DMD: variants seen among roughly 807,000 people sequenced by gnomAD.
DMD encodes the protein dystrophin, also known as mutant dystrophin.
A neutral mutation model predicts 330.1 loss-of-function variants in DMD; 63 were observed. The ratio of observed to expected loss-of-function variants is 0.19; its 90% CI spans 0.16 to 0.24. The LOEUF is 0.24. Ranked by LOEUF, DMD falls within the 10% of genes least tolerant of loss-of-function variation. The pLI, the probability that DMD is intolerant of heterozygous loss-of-function variation, is 1.00. For synonymous variants in DMD, 1,223 were observed against 959.8 expected (o/e 1.27, Z -5.07); for missense variants, 3,344 against 2,684.1 (o/e 1.25, Z -5.43).
chrX:32,308,033 G>T (rs1249106695), intron 42 of DMD, among the ~76,000 whole-genome samples: 2 of 109,640 alleles, frequency 1.8e-5, no homozygotes, highest in Middle Eastern at 4.9e-3. Context: ...CTCTAGCTCT[G>T]CCTTAGCTAG....
At chrX:32,662,515 A>G (rs907891778) in intron 9 of DMD, among the ~76,000 whole-genome samples, 3 of 111,936 alleles carry the variant, frequency 2.7e-5, no homozygotes, top group African/African-American at 9.7e-5. Context: ...TACATGCATG[A>G]CATTTGTTTG....
In DMD at chrX:32,748,485, G is replaced by A. The variant is rs2070376487; in HGVS notation, c.650-49192C>T. On this transcript the variant is annotated intron_variant, in intron 7 of 78. Transcript: ENST00000357033. ...TCATTAAGTACCATAGCCAGCTGGG[G>A]TATGAGTCCAGTTTGAAAGTTTGTG... is the stretch of plus-strand genomic sequence containing the variant. 2.7e-5 allele frequency among the ~76,000 whole-genome samples: 3 copies of A among 111,742 alleles called. No homozygotes were observed. The Admixed American group carries it at 2.9e-4, about 11-fold the overall frequency.
At position 32,463,594 on chromosome X, in the gene DMD, G is replaced by A. The variant is rs775903979; in HGVS notation, c.3277C>T (p.Leu1093Phe). The stretch of plus-strand genomic sequence containing the variant: ...ATTGTCTGAATATCACTGACTAAAA[G>A]CTAAGAAAATAAATCAATTTAAGCC... ...ILKKQLKQCRLLVSDIQTIQP... is the reference protein window; with the variant it reads ...ILKKQLKQCRFLVSDIQTIQP... Residue 1093 changes from leucine (L) to phenylalanine (F), a missense_variant and splice_region_variant, in exon 25 of 79, where the codon CTT becomes TTT. Leu to Phe is a conservative substitution (Grantham distance 22, BLOSUM62 0). Coordinates refer to ENST00000357033, the MANE Select transcript of DMD (RefSeq NM_004006.3). The A allele has an allele frequency of 6.2e-6, 7 of 1,134,563 alleles. No homozygotes were observed. The highest frequency in any genetic ancestry group is 2.3e-5 in the South Asian group (1 of 43,908). The allele number at this position is 1,134,563 out of a possible 1,213,427, so 93.5% of individuals were successfully genotyped here.
chrX:33,224,871 G>A (rs1029981712), intron 1 of DMD, among the ~76,000 whole-genome samples: 3 of 111,075 alleles, frequency 2.7e-5, no homozygotes, highest in African/African-American at 9.8e-5. Context: ...GAACCTAAAG[G>A]TTCTCCAAAA....
At chrX:33,276,307 A>C (rs1397800711) in intron 1 of DMD, among the ~76,000 whole-genome samples, 1 of 109,070 alleles carries the variant, frequency 9.2e-6, no homozygotes, top group Non-Finnish European at 1.9e-5. Context: ...AGGCTGGAGT[A>C]TTTTTTTTTA....
At chrX:32,512,057 T>C (rs986247397) in intron 18 of DMD, among the ~76,000 whole-genome samples, 1 of 111,693 alleles carries the variant, frequency 9.0e-6, no homozygotes, top group African/African-American at 3.3e-5. Flanking sequence ...CTAAAATGGG[T>C]AACCTAAATG....
In DMD at chrX:31,417,255, A is replaced by G. The variant is rs186623510; in HGVS notation, c.9084+27226T>C. On this transcript the variant is annotated intron_variant, in intron 60 of 78. Coordinates refer to ENST00000357033, the MANE Select transcript of DMD (RefSeq NM_004006.3). ...TTCTTGAGTTAATGCCTGAGAAATC[A>G]CCAAGCCTATAATTTCTTTTTTCTT... is the stretch of plus-strand genomic sequence containing the variant. Among the ~76,000 whole-genome samples the G allele has an allele frequency of 2.7e-5, 3 of 110,888 alleles. No homozygotes were observed. The Admixed American group carries it at 2.9e-4, about 11-fold the overall frequency.
At chrX:33,026,366 G>T (rs868030138) in intron 1 of DMD, among the ~76,000 whole-genome samples, 7 of 62,535 alleles carry the variant, frequency 1.1e-4, no homozygotes, top group Non-Finnish European at 2.3e-4. Flanking sequence ...AGAAAATAAA[G>T]AACTATGAAG....
rs373325512 is a variant in DMD at position 31,976,699 on chromosome X, G to A, written c.6439-8185C>T. On this transcript the variant is annotated intron_variant, in intron 44 of 78. Coordinates refer to ENST00000357033, the MANE Select transcript of DMD (RefSeq NM_004006.3). ...CACCCACCTATTAGTTAAAAAAAAT[G>A]GTCAAAGGTGATTTCAAAATATGTT... Among the ~76,000 whole-genome samples the A allele has an allele frequency of 9.0e-5, 10 of 111,235 alleles. No homozygotes were observed. The East Asian group carries it at 2.6e-3, about 28-fold the overall frequency.
rs773475203 is a variant in DMD at position 31,223,413 on chromosome X, A to C, written c.9287-292T>G. On this transcript the variant is annotated intron_variant, in intron 63 of 78. Coordinates refer to ENST00000357033, the MANE Select transcript of DMD (RefSeq NM_004006.3). ...TGTTCCCAAGAGGAAAGAGATGGAC[A>C]GGCATTATTTTTTTCTAGAAAGTAA... Among the ~76,000 whole-genome samples the C allele has an allele frequency of 5.3e-5, 6 of 112,530 alleles. No individual in the cohort carries two copies. In the South Asian group the frequency reaches 2.2e-3, roughly 42 times the overall value.
chrX:32,211,705 G>T (rs1318344662), intron 44 of DMD, among the ~76,000 whole-genome samples: 1 of 111,669 alleles, frequency 9.0e-6, no homozygotes, highest in African/African-American at 3.3e-5. Flanking sequence ...ATTTCAAATG[G>T]AATACCTTAA....
intron 11 of DMD, among the ~76,000 whole-genome samples, chrX:32,638,563 C>T (rs1462877074): frequency 9.0e-6 from 1 of 111,632 alleles, no homozygotes; most frequent in Admixed American, 9.5e-5. Context: ...GCTACTGGTC[C>T]TACACCACCT....
chrX:32,245,443 G>A (rs1244247367), intron 43 of DMD, among the ~76,000 whole-genome samples: 4 of 88,036 alleles, frequency 4.5e-5, no homozygotes, highest in South Asian at 6.7e-4. Context: ...TTGGCGATGC[G>A]GGCTCTTTTT....
chrX:32,432,341 C>T (rs1335547570), intron 29 of DMD, among the ~76,000 whole-genome samples: 1 of 111,746 alleles, frequency 8.9e-6, no homozygotes, highest in East Asian at 2.8e-4. Flanking sequence ...CCAGTCTTAG[C>T]TTTTATCTCC....
At chrX:31,572,288 G>A (rs942326645) in intron 55 of DMD, among the ~76,000 whole-genome samples, 1 of 112,234 alleles carries the variant, frequency 8.9e-6, no homozygotes, top group African/African-American at 3.2e-5. Flanking sequence ...GTCATGAGAA[G>A]CAACCCTTCC....
intron 48 of DMD, among the ~76,000 whole-genome samples, chrX:31,862,392 A>G (rs1411438345): frequency 1.8e-5 from 2 of 110,610 alleles, no homozygotes; most frequent in African/African-American, 6.6e-5. Flanking sequence ...CAGCCTCCCA[A>G]AGTGCTGGGA....
chrX:32,567,050 G>A (rs1044090351), intron 15 of DMD, among the ~76,000 whole-genome samples: 2 of 111,682 alleles, frequency 1.8e-5, no homozygotes, highest in African/African-American at 6.5e-5. Context: ...CCCAAACCTA[G>A]AGCAGTCAAT....
At chrX:33,131,711 T>G (rs758278443) in intron 1 of DMD, among the ~76,000 whole-genome samples, 1 of 112,022 alleles carries the variant, frequency 8.9e-6, no homozygotes, top group Non-Finnish European at 1.9e-5. Context: ...TCCTCCAAGC[T>G]AAAAATTCAT....
chrX:32,193,556 C>T (rs1339026257), intron 44 of DMD, among the ~76,000 whole-genome samples: 2 of 111,294 alleles, frequency 1.8e-5, no homozygotes, highest in Admixed American at 9.6e-5. Context: ...CTCAATAAAT[C>T]GATCCCAAGT....
Sources: gnomAD v4.1 joint callset for allele counts (sites outside exome capture counted in the v4.1 genomes callset) on GRCh38, gnomAD v4.1.1 for gene constraint, MANE v1.5 for transcripts, NCBI Gene and HGNC (gene_info 2026-07-23, HGNC 2026-07-21) for gene names.